The following RBFOX1 variants were observed in gnomAD, a reference collection of about 807,000 sequenced individuals.
The protein encoded by RBFOX1 is RNA binding fox-1 homolog 1, also known as RNA binding protein fox-1 homolog 1.
In RBFOX1, 8 loss-of-function variants were observed where a neutral mutation model predicts 57.7. The ratio of observed to expected loss-of-function variants is 0.14; its 90% CI spans 0.08 to 0.25. The LOEUF is 0.25. Among genes scored for constraint, RBFOX1 ranks in the 10% least tolerant of loss-of-function variants. RBFOX1 has a pLI of 1.00. For missense variants in RBFOX1, 611 were observed against 548.5 expected, an observed-to-expected ratio of 1.11 and a Z score of -1.14; for synonymous variants, 326 against 222.4, an observed-to-expected ratio of 1.47 and a Z score of -4.15.
intron 1 of RBFOX1, among the ~76,000 whole-genome samples, chr16:6,236,138 A>G (rs543707520): frequency 6.6e-6 from 1 of 152,348 alleles, no homozygotes; most frequent in African/African-American, 2.4e-5. Context: ...AACATATTCC[A>G]TACTTTATTT....
At chr16:6,613,768 C>G (rs1357500013) in intron 2 of RBFOX1, among the ~76,000 whole-genome samples, 1 of 152,144 alleles carries the variant, frequency 6.6e-6, no homozygotes, top group Non-Finnish European at 1.5e-5. Flanking sequence ...GAAACCCCAT[C>G]TCTACTACAA....
At chr16:5,465,099 C>G (rs1406352410) in intron 1 of RBFOX1, among the ~76,000 whole-genome samples, 1 of 152,270 alleles carries the variant, frequency 6.6e-6, no homozygotes, top group South Asian at 2.1e-4. Flanking sequence ...GCTGCCGTAA[C>G]AAAGTAATAC....
At chr16:6,307,595 C>G (rs1599448650) in intron 1 of RBFOX1, among the ~76,000 whole-genome samples, 2 of 147,502 alleles carry the variant, frequency 1.4e-5, no homozygotes, top group East Asian at 3.9e-4. Flanking sequence ...AATGATATAA[C>G]AATCTGATAC....
intron 3 of RBFOX1, among the ~76,000 whole-genome samples, chr16:5,811,628 T>G (rs552103089): frequency 5.9e-5 from 9 of 151,946 alleles, no homozygotes; most frequent in African/African-American, 2.2e-4. Flanking sequence ...TTTTTGTAAT[T>G]TTAGTAGAGA....
chr16:6,717,206 G>A (rs1280881815), intron 3 of RBFOX1, among the ~76,000 whole-genome samples: 1 of 152,028 alleles, frequency 6.6e-6, no homozygotes, highest in Non-Finnish European at 1.5e-5. Context: ...AAAATGGTGG[G>A]GAAAGCCAGT....
chr16:7,369,151 G>T (rs2097523330), intron 4 of RBFOX1, among the ~76,000 whole-genome samples: 1 of 151,994 alleles, frequency 6.6e-6, no homozygotes, highest in Non-Finnish European at 1.5e-5. Flanking sequence ...ACTCCGGTGG[G>T]ACCCACAGTC....
intron 3 of RBFOX1, among the ~76,000 whole-genome samples, chr16:6,786,296 C>T (rs1023038216): frequency 6.6e-6 from 1 of 152,258 alleles, no homozygotes; most frequent in South Asian, 2.1e-4. Flanking sequence ...ATCTCTTAAC[C>T]ACTTGTTATA....
intron 1 of RBFOX1, among the ~76,000 whole-genome samples, chr16:5,279,415 G>A (rs2063217097): frequency 6.6e-6 from 1 of 151,868 alleles, no homozygotes; most frequent in Non-Finnish European, 1.5e-5. Context: ...TTTGTTAGTG[G>A]TATATAGAAA....
chr16:5,602,647 C>G (rs1469126004), downstream of RBFOX1, among the ~76,000 whole-genome samples: 1 of 152,180 alleles, frequency 6.6e-6, no homozygotes, highest in Non-Finnish European at 1.5e-5. Flanking sequence ...GAAAGTTCAA[C>G]TAAATTACTG....
At chr16:5,454,072 A>T (rs1341599022) in intron 1 of RBFOX1, among the ~76,000 whole-genome samples, 1 of 152,242 alleles carries the variant, frequency 6.6e-6, no homozygotes, top group African/African-American at 2.4e-5. Flanking sequence ...GAGGTGGCTG[A>T]GGCCAAATCG....
intron 2 of RBFOX1, among the ~76,000 whole-genome samples, chr16:6,549,388 C>T (rs181028719): frequency 0.037 from 91 of 2,442 alleles, 5 homozygotes; most frequent in African/African-American, 0.058. Context: ...AAGGAGGGGA[C>T]GAGGGAGGGA....
intron 2 of RBFOX1, among the ~76,000 whole-genome samples, chr16:5,519,904 T>G (rs1344563499): frequency 6.6e-6 from 1 of 152,236 alleles, no homozygotes; most frequent in East Asian, 1.9e-4. Flanking sequence ...AGCCCATACT[T>G]GAAGCCATTT....
chr16:7,408,053 C>G (rs2098376684), intron 4 of RBFOX1, among the ~76,000 whole-genome samples: 1 of 152,192 alleles, frequency 6.6e-6, no homozygotes, highest in African/African-American at 2.4e-5. Context: ...TTGCTTTACA[C>G]AACTGGATGC....
intron 3 of RBFOX1, among the ~76,000 whole-genome samples, chr16:6,893,225 C>G (rs186175940): frequency 6.6e-6 from 1 of 152,150 alleles, no homozygotes; most frequent in African/African-American, 2.4e-5. Flanking sequence ...GAAGCAGAGA[C>G]TGTGGAGGGA....
intron 3 of RBFOX1, among the ~76,000 whole-genome samples, chr16:7,010,870 C>G (rs1051141433): frequency 6.6e-6 from 1 of 152,216 alleles, no homozygotes; most frequent in Non-Finnish European, 1.5e-5. Context: ...AGCCACTGCT[C>G]CCGGCCCACA....
chr16:6,932,662 C>A (rs897472907), intron 3 of RBFOX1, among the ~76,000 whole-genome samples: 4 of 152,130 alleles, frequency 2.6e-5, no homozygotes, highest in African/African-American at 7.2e-5. Context: ...AGAGTTGCAC[C>A]AGATTCTGAA....
chr16:6,710,981 C>T (rs74786941), intron 3 of RBFOX1, among the ~76,000 whole-genome samples: 7 of 152,174 alleles, frequency 4.6e-5, no homozygotes, highest in African/African-American at 1.4e-4. Flanking sequence ...CAAAGAAGCT[C>T]TACTGAGCGG....
intron 4 of RBFOX1, among the ~76,000 whole-genome samples, chr16:5,952,119 A>C (rs2059533412): frequency 6.6e-6 from 1 of 150,578 alleles, no homozygotes; most frequent in African/African-American, 2.4e-5. Flanking sequence ...ATATGTATAC[A>C]CACACACATA....
chr16:7,175,407 G>A (rs907322285), intron 4 of RBFOX1, among the ~76,000 whole-genome samples: 3 of 152,100 alleles, frequency 2.0e-5, no homozygotes, highest in South Asian at 4.2e-4. Context: ...AGTCAGCAAA[G>A]GCATGGGCAG....
Sources: gnomAD v4.1 joint callset for allele counts (sites outside exome capture counted in the v4.1 genomes callset) on GRCh38, gnomAD v4.1.1 for gene constraint, MANE v1.5 for transcripts, NCBI Gene and HGNC (gene_info 2026-07-23, HGNC 2026-07-21) for gene names.